TGS1: variants seen among roughly 807,000 people sequenced by gnomAD.
The protein encoded by TGS1 is trimethylguanosine synthase 1.
In TGS1, 69 loss-of-function variants were observed where a neutral mutation model predicts 92.2. That is an observed-to-expected ratio of 0.75 (90% CI 0.62 to 0.91). TGS1 has a LOEUF of 0.91. TGS1 is among the 40% of genes least tolerant of loss of function. The pLI is 0.00. For missense variants in TGS1, 1,062 were observed against 1,001.2 expected, an observed-to-expected ratio of 1.06 and a Z score of -0.82; for synonymous variants, 345 against 338.1, an observed-to-expected ratio of 1.02 and a Z score of -0.22.
intron 12 of TGS1, among the ~76,000 whole-genome samples, chr8:55,814,861 G>A (rs1027703898): frequency 1.3e-5 from 2 of 149,894 alleles, no homozygotes; most frequent in African/African-American, 2.4e-5. Flanking sequence ...AAAGAAAAAC[G>A]AACCATCTCT....
At chr8:55,819,345 G>A (rs942327976) in intron 12 of TGS1, among the ~76,000 whole-genome samples, 20 of 141,376 alleles carry the variant, frequency 1.4e-4, no homozygotes, top group African/African-American at 4.3e-4. Flanking sequence ...TGCCCAGGCT[G>A]GAGTGCAATG....
chr8:55,795,755 G>A (rs1812024019), intron 6 of TGS1, among the ~76,000 whole-genome samples: 1 of 152,048 alleles, frequency 6.6e-6, no homozygotes, highest in Non-Finnish European at 1.5e-5. Context: ...TAGGTATGTT[G>A]CACTTCCCAA....
chr8:55,790,156 C>A, intron 4 of TGS1, 26 bp from the exon 5 acceptor site: 1 of 1,554,754 alleles, frequency 6.4e-7, no homozygotes, highest in Non-Finnish European at 8.9e-7. Context: ...GGGGGAAAAG[C>A]TACTGCAATA....
intron 1 of TGS1, among the ~76,000 whole-genome samples, chr8:55,774,424 G>A (rs1259505973): frequency 6.6e-6 from 1 of 152,140 alleles, no homozygotes; most frequent in Non-Finnish European, 1.5e-5. Flanking sequence ...TGAATTTTAT[G>A]TGATAGACTT....
intron 2 of TGS1, 57 bp downstream of exon 2, chr8:55,782,869 A>C: frequency 8.9e-7 from 1 of 1,125,246 alleles, no homozygotes; most frequent in Non-Finnish European, 1.3e-6. Context: ...ATAATGTGTT[A>C]ATTTATGTAT....
chr8:55,786,960 AAG>A lies in TGS1; in HGVS notation c.1067_1068del (p.Glu356ValfsTer8), dbSNP rs1347185618. On this transcript the variant is annotated frameshift_variant, in exon 4 of 13. Coordinates refer to ENST00000260129, the MANE Select transcript of TGS1 (RefSeq NM_024831.8). LOFTEE classifies it high-confidence loss of function. ...AACAGCTAAGTGAAGTTAGTAGCAAAAGAGAGTGCCCTGCTTCCGGCCAAAGT... is the reference window on the plus strand; with the variant it reads ...AACAGCTAAGTGAAGTTAGTAGCAAAAGAGTGCCCTGCTTCCGGCCAAAGT... ...HQQLSEVSSK[R>X]ECPASGQSEP... The A allele has an allele frequency of 6.2e-7, 1 of 1,614,048 alleles. No homozygotes were observed. Among genetic ancestry groups the A allele is most frequent in the South Asian group, 1.1e-5 (1 of 91,084 alleles).
At position 55,816,656 on chromosome 8, in the gene TGS1, T is replaced by C. The variant is rs144947812; in HGVS notation, c.2439+3538T>C. On this transcript the variant is annotated intron_variant, in intron 12 of 12. Coordinates refer to ENST00000260129, the MANE Select transcript of TGS1 (RefSeq NM_024831.8). ...TATGTTTAAAAAATGAACTGTATCATGTTAATTCCTGGCCTTTGTCTGGCA... is the reference window on the plus strand; with the variant it reads ...TATGTTTAAAAAATGAACTGTATCACGTTAATTCCTGGCCTTTGTCTGGCA... Among the ~76,000 whole-genome samples the C allele has an allele frequency of 6.9e-4, 105 of 152,298 alleles. 2 individuals carry two copies. The Middle Eastern group carries it at 0.02, about 30-fold the overall frequency.
At chr8:55,810,408 G>C (rs1803306563) in intron 10 of TGS1, among the ~76,000 whole-genome samples, 1 of 152,212 alleles carries the variant, frequency 6.6e-6, no homozygotes, top group African/African-American at 2.4e-5. Context: ...ACATAAGTTT[G>C]TAAAAATGTG....
At chr8:55,813,232 A>G (rs1344690038) in intron 12 of TGS1, 114 bp downstream of exon 12, 3 of 704,940 alleles carry the variant, frequency 4.3e-6, no homozygotes, top group Non-Finnish European at 2.4e-6. Flanking sequence ...TCCCTGACTC[A>G]CTGACTATTC....
intron 1 of TGS1, among the ~76,000 whole-genome samples, chr8:55,774,002 TG>T (rs750710938): frequency 1.3e-5 from 2 of 152,180 alleles, no homozygotes; most frequent in African/African-American, 2.4e-5. Flanking sequence ...ATTTAAAAAT[TG>T]GGGGAAAGCG....
At chr8:55,795,836 T>C in intron 6 of TGS1, 142 bp from the exon 7 acceptor site, 1 of 712,664 alleles carries the variant, frequency 1.4e-6, no homozygotes. Flanking sequence ...AAGTTGAACT[T>C]GATTTTATCA....
In TGS1 at chr8:55,802,514, C is replaced by T; in HGVS notation, c.1907C>T (p.Pro636Leu). ...AACAAAAAGGTGAATGGTCTGCCTC[C>T]TGAAATAGCTGCTGTTCCTGAGCTG... ...KKNKKVNGLPPEIAAVPELAK... is the reference protein window; with the variant it reads ...KKNKKVNGLPLEIAAVPELAK... Residue 636 changes from proline (P) to leucine (L), a missense_variant, in exon 9 of 13, where the codon CCT becomes CTT. Transcript: ENST00000260129. 11 of 1,614,076 alleles carry T rather than the reference C, an allele frequency of 6.8e-6. No homozygotes were observed. Among genetic ancestry groups the T allele is most frequent in the African/African-American group, 1.3e-5 (1 of 75,026 alleles).
In TGS1 at chr8:55,801,373, C is replaced by T. The variant is rs537161977; in HGVS notation, c.1850-1084C>T. Among the ~76,000 whole-genome samples, 13 of 151,488 alleles carry T rather than the reference C, an allele frequency of 8.6e-5. No individual in the cohort carries two copies. In the South Asian group the frequency reaches 1.5e-3, roughly 17 times the overall value. ...GCAACCTCCGCCTCCCAGGTTCAAG[C>T]GATTCTTCTGCCTGAGCCTCCCGAG... On this transcript the variant is annotated intron_variant, in intron 8 of 12. Transcript: ENST00000260129.
At chr8:55,817,151 C>G (rs141930035) in intron 12 of TGS1, among the ~76,000 whole-genome samples, 2,041 of 152,300 alleles carry the variant, frequency 0.013, 40 homozygotes, top group African/African-American at 0.047. Context: ...GCATGAGCCA[C>G]CACGCCTGGC....
chr8:55,777,650 G>A (rs140361326), intron 1 of TGS1, among the ~76,000 whole-genome samples: 134 of 151,190 alleles, frequency 8.9e-4, no homozygotes, highest in African/African-American at 3.2e-3. Flanking sequence ...AGCAATTCTC[G>A]TGCCTCAGCT....
intron 7 of TGS1, among the ~76,000 whole-genome samples, chr8:55,798,040 T>G (rs1000831843): frequency 6.6e-6 from 1 of 152,216 alleles, no homozygotes; most frequent in East Asian, 1.9e-4. Flanking sequence ...CATAGGACTT[T>G]CCGTAATGTG....
chr8:55,811,033 TG>T lies in TGS1; in HGVS notation c.2300del (p.Gly767GlufsTer16). ...KADVVFLSPP[W>X]GGPDYATAET... ...TGATGTTGTGTTCCTCAGCCCACCT[TG>T]GGGAGGGCCAGACTATGCCACTGCA... On this transcript the variant is annotated frameshift_variant, in exon 11 of 13. Coordinates refer to ENST00000260129, the MANE Select transcript of TGS1 (RefSeq NM_024831.8). LOFTEE classifies it high-confidence loss of function. The T allele has an allele frequency of 6.2e-7, 1 of 1,614,128 alleles. No individual in the cohort carries two copies. The highest frequency in any genetic ancestry group is 1.1e-5 in the South Asian group (1 of 91,088).
chr8:55,801,374 G>T (rs1021106570), intron 8 of TGS1, among the ~76,000 whole-genome samples: 2 of 147,330 alleles, frequency 1.4e-5, no homozygotes, highest in African/African-American at 2.5e-5. Context: ...AGGTTCAAGC[G>T]ATTCTTCTGC....
chr8:55,800,583 T>C (rs945680682), intron 8 of TGS1, among the ~76,000 whole-genome samples: 4 of 152,244 alleles, frequency 2.6e-5, no homozygotes, highest in Non-Finnish European at 5.9e-5. Flanking sequence ...TGCTGGTTGT[T>C]AGAATGACAT....
Sources: allele counts gnomAD v4.1 joint callset (sites outside exome capture counted in the v4.1 genomes callset), GRCh38; gene constraint gnomAD v4.1.1; transcripts MANE v1.5; gene names NCBI Gene and HGNC (gene_info 2026-07-23, HGNC 2026-07-21).